Variants in VPS50 observed in about 807,000 individuals in gnomAD.
The protein encoded by VPS50 is VPS50 subunit of EARP/GARPII complex.
In VPS50, 70 loss-of-function variants were observed where a neutral mutation model predicts 139.7. The observed-to-expected ratio is 0.50, with a 90% CI of 0.41 to 0.61. The LOEUF is 0.61. Among genes scored for constraint, VPS50 ranks in the 20% least tolerant of loss-of-function variants. VPS50 has a pLI of 0.00. For synonymous variants in VPS50, 365 were observed against 376.7 expected, an observed-to-expected ratio of 0.97 and a Z score of 0.36; for missense variants, 921 against 1,133.7, an observed-to-expected ratio of 0.81 and a Z score of 2.69.
Position 93,259,594 on chromosome 7 carries a change from A to G in VPS50, c.621A>G (p.Gln207=). The G allele has an allele frequency of 6.2e-7, 1 of 1,604,170 alleles. No homozygotes were observed. Among genetic ancestry groups the G allele is most frequent in the South Asian group, 1.1e-5 (1 of 90,752 alleles). The part of the protein sequence containing the change: ...PGAIQLCLEC[Q]KAASTFKHYS... ...CTATTCAGTTGTGCCTTGAATGTCA[A>G]AAAGCTGCCAGCACTTTTAAACATT... is the stretch of plus-strand genomic sequence containing the variant. Residue 207 remains glutamine, a synonymous_variant, in exon 9 of 28, where the codon CAA becomes CAG. Transcript: ENST00000305866.
intron 18 of VPS50, among the ~76,000 whole-genome samples, chr7:93,307,655 A>G (rs1418493113): frequency 2.6e-5 from 4 of 151,966 alleles, no homozygotes; most frequent in Admixed American, 6.6e-5. Flanking sequence ...ATGAGTATCT[A>G]TGATACGGTG....
chr7:93,263,238 T>A (rs1232736944), intron 9 of VPS50, among the ~76,000 whole-genome samples: 1 of 152,194 alleles, frequency 6.6e-6, no homozygotes, highest in East Asian at 1.9e-4. Flanking sequence ...CATGAGTGAA[T>A]TAGAGTGAAT....
At chr7:93,270,574 T>C (rs569942369) in intron 9 of VPS50, among the ~76,000 whole-genome samples, 297 of 152,066 alleles carry the variant, frequency 2.0e-3, no homozygotes, top group Admixed American at 3.3e-3. Flanking sequence ...TTCTGTGTGC[T>C]TTTCTGTTCA....
intron 18 of VPS50, among the ~76,000 whole-genome samples, chr7:93,306,368 G>A (rs1335653120): frequency 6.6e-6 from 1 of 151,620 alleles, no homozygotes; most frequent in Non-Finnish European, 1.5e-5. Flanking sequence ...CCTTTTTCTC[G>A]ACACCCTTTA....
At chr7:93,240,434 CTT>C (rs1363781083) in intron 2 of VPS50, among the ~76,000 whole-genome samples, 4 of 152,106 alleles carry the variant, frequency 2.6e-5, no homozygotes, top group Admixed American at 2.6e-4. Flanking sequence ...AATTGTATAA[CTT>C]ATCTCCTAGA....
At chr7:93,271,304 C>G (rs748003334) in intron 10 of VPS50, 42 bp downstream of exon 10, 3 of 1,491,810 alleles carry the variant, frequency 2.0e-6, no homozygotes, top group African/African-American at 1.5e-5. Context: ...TTTTTCTTTT[C>G]AGAAGTTTTT....
At chr7:93,240,991 ATTAATGACTAT>A (rs1265731603) in intron 2 of VPS50, among the ~76,000 whole-genome samples, 1 of 152,190 alleles carries the variant, frequency 6.6e-6, no homozygotes, top group Non-Finnish European at 1.5e-5. Context: ...GTTATTAAAA[ATTAATGACTAT>A]GAAAAGGTTG....
At chr7:93,235,821 TG>T (rs1794782102) in intron 1 of VPS50, among the ~76,000 whole-genome samples, 1 of 152,190 alleles carries the variant, frequency 6.6e-6, no homozygotes, top group African/African-American at 2.4e-5. Flanking sequence ...TCTGAATTTA[TG>T]GGGCGAATCC....
chr7:93,291,399 G>A (rs1796644053), intron 12 of VPS50, among the ~76,000 whole-genome samples: 2 of 152,126 alleles, frequency 1.3e-5, no homozygotes, highest in South Asian at 4.2e-4. Flanking sequence ...TGCATTTGGG[G>A]ATGTTTACAC....
intron 2 of VPS50, among the ~76,000 whole-genome samples, chr7:93,242,557 T>G (rs921861304): frequency 2.6e-5 from 4 of 151,960 alleles, no homozygotes; most frequent in Non-Finnish European, 4.4e-5. Flanking sequence ...TAGTTTTGCT[T>G]AGGGGAGTAC....
At chr7:93,348,636 ATACTT>A (rs1264625560) in intron 23 of VPS50, 70 bp from the exon 24 acceptor site, 6 of 998,320 alleles carry the variant, frequency 6.0e-6, no homozygotes, top group Non-Finnish European at 9.2e-6. Context: ...ATGTTAAAAA[ATACTT>A]ATACGAAAGC....
chr7:93,343,191 A>C (rs948531797), intron 23 of VPS50, among the ~76,000 whole-genome samples: 4 of 152,310 alleles, frequency 2.6e-5, no homozygotes, highest in African/African-American at 9.6e-5. Flanking sequence ...AGAATGCAGA[A>C]GCCTCAGGAG....
At chr7:93,334,569 T>C (rs1798023470) in intron 22 of VPS50, among the ~76,000 whole-genome samples, 1 of 152,104 alleles carries the variant, frequency 6.6e-6, no homozygotes, top group Non-Finnish European at 1.5e-5. Context: ...GCAAGGGCCT[T>C]GAGGTGGGTG....
rs934234897 is a variant in VPS50, at chr7:93,346,189, CAGAG to C, written c.2208-2519_2208-2516del. Among the ~76,000 whole-genome samples the C allele has an allele frequency of 3.9e-5, 6 of 152,226 alleles. 1 individual carries two copies. Among genetic ancestry groups the C allele is most frequent in the Admixed American group, 3.3e-4 (5 of 15,300 alleles). ...AGCATTCTTATACACCAACAACAGA[CAGAG>C]AGCCAAATCATGAGTGAACTCCCAT... On this transcript the variant is annotated intron_variant, in intron 23 of 27. Coordinates refer to ENST00000305866, the MANE Select transcript of VPS50 (RefSeq NM_017667.4).
Position 93,297,177 on chromosome 7 carries a change from G to A in VPS50, c.1295G>A (p.Ser432Asn). 6.4e-7 allele frequency: 1 copy of A among 1,564,796 alleles called. No individual in the cohort carries two copies. Among genetic ancestry groups the A allele is most frequent in the East Asian group, 2.4e-5 (1 of 41,874 alleles). The change falls in exon 16 of 28, where the codon AGC (serine) becomes AAC (asparagine). Residue 432 changes from serine to asparagine, a missense_variant. Coordinates refer to ENST00000305866, the MANE Select transcript of VPS50 (RefSeq NM_017667.4). ...LMQVGEEFCGSKSEVLQESIR... is the reference protein window; with the variant it reads ...LMQVGEEFCGNKSEVLQESIR... ...CAAGTTGGAGAAGAATTTTGTGGTA[G>A]CAAGTCTGAAGTTTTACAGGAATCT...
chr7:93,313,771 TAAA>T lies in VPS50; in HGVS notation c.1855+2500_1855+2502del, dbSNP rs1364440717. ...ACATTCAAGACCCTTTAAAGTAAAG[TAAA>T]GTATGGCACAGTCCTGAATAAAGCC... is the stretch of plus-strand genomic sequence containing the variant. On this transcript the variant is annotated intron_variant, in intron 20 of 27. Coordinates refer to ENST00000305866, the MANE Select transcript of VPS50 (RefSeq NM_017667.4). 3.2e-3 allele frequency among the ~76,000 whole-genome samples: 494 copies of T among 152,194 alleles called. 1 individual carries two copies. The highest frequency in any genetic ancestry group is 0.011 in the African/African-American group (469 of 41,534).
intron 6 of VPS50, 123 bp from the exon 7 acceptor site, chr7:93,258,036 G>A: frequency 1.7e-6 from 1 of 593,086 alleles, no homozygotes. Flanking sequence ...TCAAATAGTA[G>A]TTTAAATCCT....
chr7:93,236,989 C>T (rs1194516348), intron 1 of VPS50, among the ~76,000 whole-genome samples: 3 of 120,938 alleles, frequency 2.5e-5, no homozygotes, highest in Non-Finnish European at 4.9e-5. Context: ...CTCACTCTGT[C>T]GCCCAGGCTG....
At chr7:93,316,518 GAGA>G (rs1354828744) in intron 20 of VPS50, among the ~76,000 whole-genome samples, 4 of 152,188 alleles carry the variant, frequency 2.6e-5, no homozygotes, top group Non-Finnish European at 4.4e-5. Flanking sequence ...TTGTAATATA[GAGA>G]AGAAGATGGA....
Sources: gnomAD v4.1 joint callset for allele counts (sites outside exome capture counted in the v4.1 genomes callset) on GRCh38, gnomAD v4.1.1 for gene constraint, MANE v1.5 for transcripts, NCBI Gene and HGNC (gene_info 2026-07-23, HGNC 2026-07-21) for gene names.